Variants in SPIDR observed in about 807,000 individuals in gnomAD.
The protein encoded by SPIDR is DNA repair-scaffolding protein.
A neutral mutation model predicts 104.6 loss-of-function variants in SPIDR; 93 were observed. That is an observed-to-expected ratio of 0.89 (90% CI 0.75 to 1.06). The LOEUF (loss-of-function observed/expected upper bound fraction) is 1.06, where lower values mean the gene tolerates loss of function less well. Among genes scored for constraint, SPIDR ranks in the 50% least tolerant of loss-of-function variants. The pLI, the probability that SPIDR is intolerant of heterozygous loss-of-function variation, is 0.00. For missense variants in SPIDR, 1,154 were observed against 1,111.2 expected (o/e 1.04, Z -0.55); for synonymous variants, 431 against 416.9 (o/e 1.03, Z -0.41).
chr8:47,319,821 C>T (rs868927036), intron 5 of SPIDR, among the ~76,000 whole-genome samples: 2 of 152,152 alleles, frequency 1.3e-5, no homozygotes, highest in African/African-American at 4.8e-5. Context: ...TACATGGAAA[C>T]TGAACAACCT....
At chr8:47,632,019 A>G (rs7818094) in intron 10 of SPIDR, among the ~76,000 whole-genome samples, 4,608 of 152,244 alleles carry the variant, frequency 0.03, 180 homozygotes, top group African/African-American at 0.098. Flanking sequence ...TTCTGCACAC[A>G]CATCCCCCTC....
chr8:47,672,426 GT>G (rs1187433330), intron 10 of SPIDR, among the ~76,000 whole-genome samples: 1 of 152,098 alleles, frequency 6.6e-6, no homozygotes, highest in Non-Finnish European at 1.5e-5. Context: ...CTTCTCTCAT[GT>G]TTTTTTCCTC....
chr8:47,418,260 G>C (rs185246745), intron 7 of SPIDR, among the ~76,000 whole-genome samples: 25 of 152,266 alleles, frequency 1.6e-4, no homozygotes, highest in Admixed American at 1.5e-3. Flanking sequence ...CATGAGCATG[G>C]AATGTTCTTC....
chr8:47,648,041 C>T (rs1302491035), intron 10 of SPIDR, among the ~76,000 whole-genome samples: 7 of 152,112 alleles, frequency 4.6e-5, no homozygotes, highest in East Asian at 1.9e-4. Context: ...TTTTATTCCA[C>T]GTGTGATACA....
intron 6 of SPIDR, among the ~76,000 whole-genome samples, chr8:47,401,005 G>A (rs1399654123): frequency 3.9e-5 from 6 of 151,938 alleles, no homozygotes; most frequent in East Asian, 1.9e-4. Flanking sequence ...GATACTCCTC[G>A]AGAAGAGCAA....
chr8:47,702,073 TCTCTCTCTCTCTCTCTCTCTCTCTTA>T, intron 14 of SPIDR, 58 bp downstream of exon 14: 6 of 600,048 alleles, frequency 1.0e-5, no homozygotes, highest in African/African-American at 3.6e-5. Context: ...TCTCTCTCTC[TCTCTCTCTCTCTCTCTCTCTCTCTTA>T]CACACACACA....
chr8:47,466,900 A>AATAT (rs1554717438), intron 8 of SPIDR, among the ~76,000 whole-genome samples: 3,290 of 114,222 alleles, frequency 0.029, 96 homozygotes, highest in Middle Eastern at 0.054. Flanking sequence ...AAAAAAAAAA[A>AATAT]ATATATATAT....
At chr8:47,655,867 T>C (rs1015401651) in intron 10 of SPIDR, among the ~76,000 whole-genome samples, 1 of 152,220 alleles carries the variant, frequency 6.6e-6, no homozygotes, top group Non-Finnish European at 1.5e-5. Context: ...GGGTCTAACA[T>C]TTAAGTCTTT....
chr8:47,469,424 G>T (rs376008134), intron 8 of SPIDR, among the ~76,000 whole-genome samples: 3 of 152,226 alleles, frequency 2.0e-5, no homozygotes, highest in South Asian at 2.1e-4. Flanking sequence ...GCAAGCATAT[G>T]TTTGTTGCAG....
chr8:47,434,935 A>G lies in SPIDR; in HGVS notation c.878-5388A>G, dbSNP rs989275177. On this transcript the variant is annotated intron_variant, in intron 7 of 19. Transcript: ENST00000297423. ...AGTCACAGACATATTTTGTTATTCT[A>G]TCATTTGCTCAATTTATTGTTTTGT... Among the ~76,000 whole-genome samples, 35 of 152,256 alleles carry G rather than the reference A, an allele frequency of 2.3e-4. No homozygotes were observed. The East Asian group carries it at 3.1e-3, about 13-fold the overall frequency.
intron 10 of SPIDR, among the ~76,000 whole-genome samples, chr8:47,616,725 G>C (rs1435003263): frequency 1.3e-5 from 2 of 152,202 alleles, no homozygotes; most frequent in Non-Finnish European, 2.9e-5. Flanking sequence ...AATACAGAGT[G>C]TTCCCACGTA....
intron 8 of SPIDR, among the ~76,000 whole-genome samples, chr8:47,468,941 A>C (rs2075290427): frequency 1.3e-5 from 2 of 152,226 alleles, no homozygotes; most frequent in South Asian, 4.1e-4. Flanking sequence ...CAGACTACAC[A>C]TCTGACAAAG....
intron 10 of SPIDR, among the ~76,000 whole-genome samples, chr8:47,661,187 C>G (rs1029623244): frequency 9.2e-5 from 14 of 152,190 alleles, no homozygotes; most frequent in African/African-American, 3.1e-4. Context: ...TTGAATGGCT[C>G]TCTGGCTGAT....
intron 7 of SPIDR, among the ~76,000 whole-genome samples, chr8:47,422,609 C>T (rs184062020): frequency 1.2e-4 from 18 of 152,352 alleles, no homozygotes; most frequent in African/African-American, 4.3e-4. Context: ...GTGCTGCAGC[C>T]ACTGTCCTGC....
rs543232831 is a variant in SPIDR, at chr8:47,571,132, G to GTGTA, written c.1098-24678_1098-24675dup. Among the ~76,000 whole-genome samples, 464 of 152,242 alleles carry GTGTA rather than the reference G, an allele frequency of 3.0e-3. 1 individual carries two copies. The highest frequency in any genetic ancestry group is 5.0e-3 in the Non-Finnish European group (343 of 68,020). On this transcript the variant is annotated intron_variant, in intron 8 of 19. Coordinates refer to ENST00000297423, the MANE Select transcript of SPIDR (RefSeq NM_001080394.4). ...GAACTCGTAGAAACAGAGTAGAAGG[G>GTGTA]TGTACCAGGGCTTGAGGGTGGGAGA...
chr8:47,449,957 G>A (rs2071392414), intron 8 of SPIDR, among the ~76,000 whole-genome samples: 1 of 152,152 alleles, frequency 6.6e-6, no homozygotes, highest in African/African-American at 2.4e-5. Context: ...TGGATTGCTT[G>A]AGTCCAGGAG....
At chr8:47,691,404 G>A (rs1334093399) in intron 11 of SPIDR, among the ~76,000 whole-genome samples, 1 of 152,062 alleles carries the variant, frequency 6.6e-6, no homozygotes, top group Middle Eastern at 3.2e-3. Context: ...GTATTCATAG[G>A]CTATTCTTAG....
chr8:47,588,113 A>G (rs75003645), intron 8 of SPIDR, among the ~76,000 whole-genome samples: 6,259 of 120,790 alleles, frequency 0.052, 257 homozygotes, highest in Non-Finnish European at 0.079. Context: ...AAACAAAATC[A>G]TGCTGGAATT....
chr8:47,701,062 A>G (rs1361441232), intron 12 of SPIDR, among the ~76,000 whole-genome samples: 1 of 152,184 alleles, frequency 6.6e-6, no homozygotes, highest in Admixed American at 6.5e-5. Context: ...TCCCAAAACA[A>G]AACTGGGGCT....
Sources: gnomAD v4.1 joint callset for allele counts (sites outside exome capture counted in the v4.1 genomes callset) on GRCh38, gnomAD v4.1.1 for gene constraint, MANE v1.5 for transcripts, NCBI Gene and HGNC (gene_info 2026-07-23, HGNC 2026-07-21) for gene names.